The following EXOC4 variants were observed in gnomAD, a reference collection of about 807,000 sequenced individuals.
EXOC4 encodes the protein SEC8-like 1.
In EXOC4, 71 loss-of-function variants were observed where a neutral mutation model predicts 107.2. That is an observed-to-expected ratio of 0.66 (90% CI 0.55 to 0.81). The LOEUF is 0.81. Among genes scored for constraint, EXOC4 ranks in the 30% least tolerant of loss-of-function variants. The probability of loss-of-function intolerance (pLI) is 0.00; values close to 1 mark genes in which losing one functional copy is unlikely to be tolerated. For synonymous variants in EXOC4, 456 were observed against 441.2 expected (o/e 1.03, Z -0.42); for missense variants, 1,108 against 1,189.6 (o/e 0.93, Z 1.01).
At chr7:133,510,768 C>G (rs1799753572) in intron 9 of EXOC4, among the ~76,000 whole-genome samples, 1 of 152,146 alleles carries the variant, frequency 6.6e-6, no homozygotes, top group Non-Finnish European at 1.5e-5. Flanking sequence ...TTAGTATTGT[C>G]TTGATAGTTT....
intron 13 of EXOC4, among the ~76,000 whole-genome samples, chr7:133,920,845 T>C (rs774579775): frequency 9.2e-5 from 14 of 152,356 alleles, no homozygotes; most frequent in Non-Finnish European, 1.9e-4. Flanking sequence ...ACAGATCTAC[T>C]GGCAGCAAAT....
the EXOC4 span, among the ~76,000 whole-genome samples, chr7:134,088,792 A>G: frequency 0.012 from 1,822 of 152,264 alleles, 47 homozygotes; most frequent in African/African-American, 0.042. Context: ...ATGATTGACA[A>G]ATTTGGTTAC....
At chr7:133,420,566 A>T (rs1030738445) in intron 7 of EXOC4, among the ~76,000 whole-genome samples, 1 of 152,062 alleles carries the variant, frequency 6.6e-6, no homozygotes, top group Non-Finnish European at 1.5e-5. Context: ...AAAGCAAGTC[A>T]CAGTTCCCTC....
chr7:133,985,238 C>T (rs1490608136), intron 14 of EXOC4, among the ~76,000 whole-genome samples: 3 of 152,068 alleles, frequency 2.0e-5, no homozygotes, highest in South Asian at 2.1e-4. Flanking sequence ...CAAATGGTAC[C>T]GCATAAAAGA....
chr7:133,603,303 T>C (rs1174869370), intron 9 of EXOC4, among the ~76,000 whole-genome samples: 2 of 152,218 alleles, frequency 1.3e-5, no homozygotes, highest in East Asian at 3.8e-4. Flanking sequence ...TTAGAGCTGC[T>C]TCTTTGTGCT....
At chr7:133,570,441 T>G (rs900037338) in intron 9 of EXOC4, among the ~76,000 whole-genome samples, 2 of 152,230 alleles carry the variant, frequency 1.3e-5, no homozygotes, top group Non-Finnish European at 2.9e-5. Flanking sequence ...TTTCAGCACA[T>G]GTCGTGCTCT....
chr7:133,525,561 C>G (rs1800063496), intron 9 of EXOC4, among the ~76,000 whole-genome samples: 1 of 152,080 alleles, frequency 6.6e-6, no homozygotes, highest in Admixed American at 6.5e-5. Context: ...GTCATGGACC[C>G]CTTTTGACCT....
intron 11 of EXOC4, among the ~76,000 whole-genome samples, chr7:133,834,044 C>T (rs559995538): frequency 2.2e-4 from 34 of 152,072 alleles, no homozygotes; most frequent in Non-Finnish European, 4.7e-4. Context: ...GTGACCCCTG[C>T]ATATTAGTAA....
chr7:134,033,007 C>T lies in EXOC4; in HGVS notation c.2687+25172C>T, dbSNP rs1795302606. ...CACAGAGAAACAAAAAGGAATAAAT[C>T]CACAACTGAGAAAGAATAGGAGGAT... is the stretch of plus-strand genomic sequence containing the variant. On this transcript the variant is annotated intron_variant, in intron 17 of 17. Coordinates refer to ENST00000253861, the MANE Select transcript of EXOC4 (RefSeq NM_021807.4). Among the ~76,000 whole-genome samples, 4 of 152,030 alleles carry T rather than the reference C, an allele frequency of 2.6e-5. No individual in the cohort carries two copies. In the South Asian group the frequency reaches 8.3e-4, roughly 32 times the overall value.
At chr7:133,397,232 C>T (rs1043402517) in intron 7 of EXOC4, among the ~76,000 whole-genome samples, 5 of 151,124 alleles carry the variant, frequency 3.3e-5, no homozygotes, top group African/African-American at 7.3e-5. Context: ...TGGGTTCAAG[C>T]GATTCTCCTG....
chr7:133,408,804 C>T (rs1486634680), intron 7 of EXOC4, among the ~76,000 whole-genome samples: 1 of 152,150 alleles, frequency 6.6e-6, no homozygotes, highest in Non-Finnish European at 1.5e-5. Context: ...TATGTGAATT[C>T]TGTGTATTTT....
chr7:133,990,825 T>C (rs1794238608), intron 14 of EXOC4, among the ~76,000 whole-genome samples: 1 of 152,158 alleles, frequency 6.6e-6, no homozygotes, highest in Admixed American at 6.5e-5. Flanking sequence ...CCACCATTCA[T>C]GAATTGGTGG....
At chr7:133,422,885 G>C (rs16874302) in intron 7 of EXOC4, among the ~76,000 whole-genome samples, 71,075 of 152,002 alleles carry the variant, frequency 0.47, 17,175 homozygotes, top group East Asian at 0.6. Flanking sequence ...GAAAGGGAAA[G>C]AATCTCATGT....
At chr7:133,651,849 T>A (rs1272470395) in intron 10 of EXOC4, among the ~76,000 whole-genome samples, 1 of 152,054 alleles carries the variant, frequency 6.6e-6, no homozygotes, top group Non-Finnish European at 1.5e-5. Context: ...CACACCTGGC[T>A]AATTTTTGTA....
chr7:133,372,832 TAACATA>T (rs1224560481), intron 6 of EXOC4, among the ~76,000 whole-genome samples: 3 of 152,208 alleles, frequency 2.0e-5, no homozygotes, highest in Non-Finnish European at 2.9e-5. Flanking sequence ...ATATTTACCT[TAACATA>T]CATTAAGTTT....
At chr7:133,350,698 G>T (rs1434534805) in intron 5 of EXOC4, among the ~76,000 whole-genome samples, 1 of 151,990 alleles carries the variant, frequency 6.6e-6, no homozygotes, top group Non-Finnish European at 1.5e-5. Context: ...ATGAATTTCA[G>T]GATGGTCTCT....
intron 5 of EXOC4, among the ~76,000 whole-genome samples, chr7:133,326,001 A>G (rs1795230761): frequency 6.6e-6 from 1 of 152,218 alleles, no homozygotes; most frequent in Non-Finnish European, 1.5e-5. Flanking sequence ...CAGTTGATCA[A>G]ATCGGCTACT....
intron 7 of EXOC4, among the ~76,000 whole-genome samples, chr7:133,462,835 T>TA (rs1798627038): frequency 6.6e-6 from 1 of 152,320 alleles, no homozygotes; most frequent in South Asian, 2.1e-4. Context: ...AACTTTAGTT[T>TA]AATCAACTGG....
At chr7:133,588,932 GTGTGTGTATGTATA>G (rs1399787893) in intron 9 of EXOC4, among the ~76,000 whole-genome samples, 113 of 151,490 alleles carry the variant, frequency 7.5e-4, no homozygotes, top group African/African-American at 2.5e-3. Flanking sequence ...GTGTATATGT[GTGTGTGTATGTATA>G]TGTGTGTGTG....
Sources: gnomAD v4.1 joint callset for allele counts (sites outside exome capture counted in the v4.1 genomes callset) on GRCh38, gnomAD v4.1.1 for gene constraint, MANE v1.5 for transcripts, NCBI Gene and HGNC (gene_info 2026-07-23, HGNC 2026-07-21) for gene names.